Variants in FBXW10B observed in about 807,000 individuals in gnomAD.
FBXW10B encodes the protein F-box and WD repeat domain containing protein 10B.
chr17:15,588,911 C>T, the FBXW10B span: 6 of 1,614,032 alleles, frequency 3.7e-6, no homozygotes, highest in Non-Finnish European at 5.1e-6. Context: ...GCCATTCTGA[C>T]CTTGGGGGTG....
the FBXW10B span, among the ~76,000 whole-genome samples, chr17:15,602,652 G>A: frequency 4.5e-5 from 4 of 88,494 alleles, no homozygotes; most frequent in Non-Finnish European, 7.7e-5. Context: ...TTTTTGAGAC[G>A]GAGTCTCGCT....
chr17:15,613,332 G>A, the FBXW10B span, among the ~76,000 whole-genome samples: 1 of 145,702 alleles, frequency 6.9e-6, no homozygotes, highest in Non-Finnish European at 1.5e-5. Flanking sequence ...ACTCCCTGGG[G>A]GCTGGGGGTT....
chr17:15,613,690 C>T, the FBXW10B span: 1 of 1,607,144 alleles, frequency 6.2e-7, no homozygotes, highest in Non-Finnish European at 8.5e-7. Context: ...CCATGGCGGC[C>T]CAGTGCTGGC....
the FBXW10B span, among the ~76,000 whole-genome samples, chr17:15,603,299 T>C: frequency 1.3e-5 from 2 of 151,938 alleles, no homozygotes; most frequent in Non-Finnish European, 2.9e-5. Flanking sequence ...ATCTGCACCG[T>C]TGGCTCTCCT....
the FBXW10B span, among the ~76,000 whole-genome samples, chr17:15,612,339 C>G: frequency 6.6e-6 from 1 of 150,966 alleles, no homozygotes; most frequent in Non-Finnish European, 1.5e-5. Flanking sequence ...AACCCCGCCT[C>G]TACTAAAAAA....
the FBXW10B span, among the ~76,000 whole-genome samples, chr17:15,603,574 AGTGTTG>A: frequency 5.9e-5 from 9 of 152,168 alleles, no homozygotes. Context: ...GTCAATATTA[AGTGTTG>A]GTGAGAATAT....
At chr17:15,593,610 A>G in the FBXW10B span, 1 of 1,389,440 alleles carries the variant, frequency 7.2e-7, no homozygotes, top group Non-Finnish European at 9.7e-7. Flanking sequence ...AACTGGCCTC[A>G]AAATGGTGTT....
chr17:15,574,079 T>G, the FBXW10B span: 1 of 707,526 alleles, frequency 1.4e-6, no homozygotes, highest in Middle Eastern at 2.3e-4. Context: ...CTTCTTCATC[T>G]GGTTGCCTCC....
At chr17:15,579,156 A>C in the FBXW10B span, among the ~76,000 whole-genome samples, 1 of 151,528 alleles carries the variant, frequency 6.6e-6, no homozygotes, top group South Asian at 2.1e-4. Context: ...AAAATAAATA[A>C]ATAAATAAAT....
chr17:15,608,158 T>G, the FBXW10B span, among the ~76,000 whole-genome samples: 2 of 128,358 alleles, frequency 1.6e-5, no homozygotes. Flanking sequence ...TGCTATGCAT[T>G]TGCATTTTTT....
the FBXW10B span, among the ~76,000 whole-genome samples, chr17:15,579,583 G>T: frequency 6.6e-6 from 1 of 152,036 alleles, no homozygotes; most frequent in African/African-American, 2.4e-5. Flanking sequence ...ATTTTATTTT[G>T]TAATTTCAAA....
chr17:15,594,972 C>T, the FBXW10B span: 7 of 1,573,970 alleles, frequency 4.4e-6, no homozygotes, highest in African/African-American at 9.4e-5. Context: ...AGATGAATCC[C>T]AAAGCCACCC....
the FBXW10B span, chr17:15,594,896 A>G: frequency 1.9e-6 from 3 of 1,608,560 alleles, no homozygotes; most frequent in Non-Finnish European, 2.5e-6. Flanking sequence ...AGAGTCTGCA[A>G]GAAAAGATAC....
the FBXW10B span, among the ~76,000 whole-genome samples, chr17:15,576,037 T>G: frequency 2.0e-5 from 3 of 152,314 alleles, no homozygotes; most frequent in East Asian, 5.8e-4. Context: ...TTCAGAGATG[T>G]GTTTCCTAGT....
At chr17:15,570,724 A>G in the FBXW10B span, among the ~76,000 whole-genome samples, 2 of 152,254 alleles carry the variant, frequency 1.3e-5, no homozygotes, top group African/African-American at 4.8e-5. Flanking sequence ...AGTAATAAGT[A>G]AATCTAGCAA....
At chr17:15,566,930 A>G in the FBXW10B span, among the ~76,000 whole-genome samples, 12 of 151,858 alleles carry the variant, frequency 7.9e-5, no homozygotes, top group South Asian at 1.0e-3. Context: ...AAGTGTGCAT[A>G]TTTTGAATGC....
chr17:15,615,937 T>C, the FBXW10B span: 4 of 1,406,430 alleles, frequency 2.8e-6, no homozygotes, highest in Non-Finnish European at 3.8e-6. Context: ...AGAGCAGTTA[T>C]GTCTGTTTTT....
chr17:15,601,408 CAAAAAAAA>C, the FBXW10B span, among the ~76,000 whole-genome samples: 3 of 66,622 alleles, frequency 4.5e-5, no homozygotes, highest in South Asian at 5.5e-4. Context: ...GACTCCGTCT[CAAAAAAAA>C]AAAAAAAAAA....
chr17:15,593,462 C>A, the FBXW10B span: 1 of 1,613,922 alleles, frequency 6.2e-7, no homozygotes. Context: ...CGCTGATGAC[C>A]CGGAGGAAGA....
Sources: allele counts gnomAD v4.1 joint callset (sites outside exome capture counted in the v4.1 genomes callset), GRCh38; gene constraint gnomAD v4.1.1; transcripts MANE v1.5; gene names NCBI Gene and HGNC (gene_info 2026-07-23, HGNC 2026-07-21).